AGXT2: variants seen among roughly 807,000 people sequenced by gnomAD.
The protein encoded by AGXT2 is alanine--glyoxylate aminotransferase 2, mitochondrial.
Under a neutral mutation model 62.5 loss-of-function variants are expected in AGXT2, and 61 were observed. The ratio of observed to expected loss-of-function variants is 0.98; its 90% CI spans 0.79 to 1.21. The LOEUF (loss-of-function observed/expected upper bound fraction) is 1.21. AGXT2 is among the 50% of genes most tolerant of loss of function. The pLI is 0.00. For synonymous variants in AGXT2, 243 were observed against 218.7 expected (o/e 1.11, Z -0.98); for missense variants, 666 against 641.5 (o/e 1.04, Z -0.41).
intron 7 of AGXT2, among the ~76,000 whole-genome samples, chr5:35,030,261 A>C (rs1767511284): frequency 1.3e-5 from 2 of 152,194 alleles, no homozygotes; most frequent in Non-Finnish European, 2.9e-5. Context: ...TGATCCCAGC[A>C]CTTTGGGAGG....
chr5:35,047,704 C>G, intron 1 of AGXT2, 101 bp downstream of exon 1: 13 of 1,449,890 alleles, frequency 9.0e-6, no homozygotes, highest in African/African-American at 1.4e-5. Context: ...AGACCTCACC[C>G]AGGTCTAACA....
intron 1 of AGXT2, among the ~76,000 whole-genome samples, chr5:35,044,736 G>A (rs1029849358): frequency 1.3e-5 from 2 of 152,070 alleles, no homozygotes; most frequent in African/African-American, 4.8e-5. Flanking sequence ...ACAAGCAAGA[G>A]CACTCCTCGA....
At chr5:35,035,389 G>C (rs1208487082) in intron 4 of AGXT2, 73 bp from the exon 5 acceptor site, 4 of 1,296,902 alleles carry the variant, frequency 3.1e-6, no homozygotes, top group Non-Finnish European at 4.4e-6. Context: ...ATTGCTGAAG[G>C]GCAGGTGTCC....
rs113144882 is a variant in AGXT2 at position 35,007,165 on chromosome 5, G to T, written c.1338+2835C>A. Among the ~76,000 whole-genome samples, 483 of 152,272 alleles carry T rather than the reference G, an allele frequency of 3.2e-3. 4 individuals carry two copies. The highest frequency in any genetic ancestry group is 0.011 in the African/African-American group (454 of 41,548). Reference sequence around the variant, plus strand: ...AAAAGAGGCTCCAGAAAGCTCTTTTGCCTCATTTACTAGGTGAGGGCACAG... The same window carrying T: ...AAAAGAGGCTCCAGAAAGCTCTTTTTCCTCATTTACTAGGTGAGGGCACAG... On this transcript the variant is annotated intron_variant, in intron 12 of 13. Transcript: ENST00000231420.
chr5:35,036,788 A>G (rs946334809), intron 4 of AGXT2, among the ~76,000 whole-genome samples, 154 bp downstream of exon 4: 5 of 152,234 alleles, frequency 3.3e-5, no homozygotes, highest in Non-Finnish European at 7.3e-5. Context: ...TCACCACTAC[A>G]GATGTTCAGT....
intron 1 of AGXT2, 74 bp from the exon 2 acceptor site, chr5:35,040,737 C>T: frequency 9.3e-7 from 1 of 1,070,184 alleles, no homozygotes; most frequent in Non-Finnish European, 1.5e-6. Context: ...CTATAGTTAT[C>T]CAAATAAAAC....
intron 8 of AGXT2, 146 bp from the exon 9 acceptor site, chr5:35,026,001 G>C: frequency 1.4e-6 from 1 of 726,006 alleles, no homozygotes; most frequent in Admixed American, 2.0e-5. Flanking sequence ...TTCCACTGTG[G>C]GTGAAAAGAG....
rs1302370141 is a variant in AGXT2, at chr5:34,998,380, A to G, written c.*339T>C. On this transcript the variant is annotated 3_prime_UTR_variant, in exon 14 of 14. Coordinates refer to ENST00000231420, the MANE Select transcript of AGXT2 (RefSeq NM_031900.4). The stretch of plus-strand genomic sequence containing the variant: ...AACTTTCCCTGAAGGCACCTCCACC[A>G]AAAGATTTTTCTTCAAGATTCACTG... The G allele has an allele frequency of 1.2e-5, 4 of 320,212 alleles. No homozygotes were observed. Among genetic ancestry groups the G allele is most frequent in the Non-Finnish European group, 1.2e-5 (2 of 171,964 alleles). 19.8% of individuals were successfully genotyped at this position (320,212 alleles called of 1,614,324 possible). A position where few individuals can be genotyped will look rare whatever the true frequency, so the allele number is the denominator to read the frequency against.
intron 1 of AGXT2, among the ~76,000 whole-genome samples, chr5:35,042,306 A>C (rs1276558966): frequency 6.6e-6 from 1 of 152,172 alleles, no homozygotes; most frequent in Admixed American, 6.6e-5. Context: ...GAGGGCTTCA[A>C]ATGAAATACG....
chr5:35,022,953 A>T (rs529108130), intron 9 of AGXT2, among the ~76,000 whole-genome samples: 1 of 151,644 alleles, frequency 6.6e-6, no homozygotes, highest in Non-Finnish European at 1.5e-5. Context: ...AAGTTAGCAT[A>T]AAAGAGTCTT....
chr5:35,034,655 T>A (rs1421015620), intron 5 of AGXT2, among the ~76,000 whole-genome samples: 1 of 152,220 alleles, frequency 6.6e-6, no homozygotes, highest in Non-Finnish European at 1.5e-5. Context: ...TTAGTGCTAA[T>A]GTAGCCATTA....
At chr5:35,026,367 T>C in intron 8 of AGXT2, 43 bp downstream of exon 8, 1 of 1,495,238 alleles carries the variant, frequency 6.7e-7, no homozygotes. Context: ...TTTCTGATAA[T>C]TGAAGATTCA....
At chr5:35,037,761 G>T (rs1228977166) in intron 3 of AGXT2, among the ~76,000 whole-genome samples, 1 of 152,198 alleles carries the variant, frequency 6.6e-6, no homozygotes, top group Non-Finnish European at 1.5e-5. Context: ...ATCTGAGTCT[G>T]AACAGTGGTT....
chr5:35,013,163 CTTCA>C (rs1235828852), intron 10 of AGXT2, 118 bp from the exon 11 acceptor site: 14 of 858,882 alleles, frequency 1.6e-5, no homozygotes, highest in Non-Finnish European at 2.5e-5. Context: ...CCAATTCATC[CTTCA>C]TTCAACTGAT....
intron 1 of AGXT2, among the ~76,000 whole-genome samples, chr5:35,042,566 C>A (rs1487442505): frequency 6.6e-6 from 1 of 151,954 alleles, no homozygotes; most frequent in Non-Finnish European, 1.5e-5. Context: ...AACAAAACTA[C>A]TTTGGTTTTT....
At chr5:35,002,328 G>C (rs566189415) in intron 13 of AGXT2, among the ~76,000 whole-genome samples, 10 of 152,310 alleles carry the variant, frequency 6.6e-5, no homozygotes, top group African/African-American at 2.4e-4. Context: ...AAAAATTGAA[G>C]ATGCAAGAAA....
chr5:35,007,999 G>A lies in AGXT2; in HGVS notation c.1338+2001C>T, dbSNP rs111479106. On this transcript the variant is annotated intron_variant, in intron 12 of 13. Transcript: ENST00000231420. ...TCATCAGTGACCTCTGCATATGCCA[G>A]CGCCTCTTCCCCTTCCACCACGAAC... 3.1e-3 allele frequency among the ~76,000 whole-genome samples: 479 copies of A among 152,134 alleles called. 4 individuals carry two copies. The highest frequency in any genetic ancestry group is 0.011 in the African/African-American group (455 of 41,508).
Position 35,032,719 on chromosome 5 carries a change from T to C in AGXT2, c.769+13A>G, listed in dbSNP as rs768033167. 6.3e-7 allele frequency: 1 copy of C among 1,596,804 alleles called. No individual in the cohort carries two copies. The highest frequency in any genetic ancestry group is 8.5e-7 in the Non-Finnish European group (1 of 1,170,030). The stretch of plus-strand genomic sequence containing the variant: ...TCCAACACTCCACTGGCACCCCCCT[T>C]GCCCAGTCGGACCTGGTGCACAGCT... On this transcript the variant is annotated intron_variant, in intron 7 of 13. Transcript: ENST00000231420.
intron 13 of AGXT2, among the ~76,000 whole-genome samples, chr5:35,002,395 T>G (rs369479311): frequency 2.6e-5 from 4 of 152,142 alleles, no homozygotes; most frequent in African/African-American, 7.2e-5. Flanking sequence ...AGCACACAGA[T>G]GGAAGATCTA....
Sources: gnomAD v4.1 joint callset for allele counts (sites outside exome capture counted in the v4.1 genomes callset) on GRCh38, gnomAD v4.1.1 for gene constraint, MANE v1.5 for transcripts, NCBI Gene and HGNC (gene_info 2026-07-23, HGNC 2026-07-21) for gene names.